Variants in GSK3B observed in about 807,000 individuals in gnomAD.
GSK3B encodes the protein glycogen synthase kinase 3 beta.
A neutral mutation model predicts 56.4 loss-of-function variants in GSK3B; 15 were observed. The ratio of observed to expected loss-of-function variants is 0.27; its 90% CI spans 0.18 to 0.41. The LOEUF (loss-of-function observed/expected upper bound fraction) is 0.41. GSK3B is among the 10% of genes least tolerant of loss of function. The probability of loss-of-function intolerance (pLI) is 1.00; values close to 1 mark genes in which losing one functional copy is unlikely to be tolerated. For missense variants in GSK3B, 300 were observed against 513.4 expected (o/e 0.58, Z 4.02); for synonymous variants, 181 against 188.9 (o/e 0.96, Z 0.34).
chr3:119,906,750 T>C (rs1189275409), intron 6 of GSK3B, among the ~76,000 whole-genome samples: 1 of 152,064 alleles, frequency 6.6e-6, no homozygotes, highest in African/African-American at 2.4e-5. Flanking sequence ...TCAAGTGCTT[T>C]AGGGAGACGA....
chr3:119,968,511 T>C lies in GSK3B; in HGVS notation c.283-21160A>G, dbSNP rs1327619143. Among the ~76,000 whole-genome samples, 4 of 152,228 alleles carry C rather than the reference T, an allele frequency of 2.6e-5. No homozygotes were observed. In the East Asian group the frequency reaches 7.7e-4, roughly 29 times the overall value. On this transcript the variant is annotated intron_variant, in intron 2 of 10. Coordinates refer to ENST00000264235, the MANE Select transcript of GSK3B (RefSeq NM_001146156.2). ...GACTGGTTTAACATTTGTCAATTAA[T>C]GTAATCCATCACATCAACAAGCTAA...
At chr3:119,962,108 G>A (rs2057277780) in intron 2 of GSK3B, among the ~76,000 whole-genome samples, 1 of 152,184 alleles carries the variant, frequency 6.6e-6, no homozygotes, top group Non-Finnish European at 1.5e-5. Context: ...GGGCATGGTG[G>A]CCCACCCCTG....
At chr3:119,969,472 T>G (rs2107513746) in intron 2 of GSK3B, among the ~76,000 whole-genome samples, 1 of 152,290 alleles carries the variant, frequency 6.6e-6, no homozygotes. Flanking sequence ...TCCCAGCAAG[T>G]TACATTGCAG....
chr3:120,010,793 C>G (rs1223477794), intron 1 of GSK3B, among the ~76,000 whole-genome samples: 14 of 151,688 alleles, frequency 9.2e-5, no homozygotes, highest in Admixed American at 9.2e-4. Context: ...AATGGCCAGG[C>G]ATGGTAGTTC....
intron 10 of GSK3B, among the ~76,000 whole-genome samples, chr3:119,840,170 T>C (rs940538415): frequency 6.6e-6 from 1 of 152,000 alleles, no homozygotes; most frequent in Admixed American, 6.6e-5. Flanking sequence ...AGAGGATGGA[T>C]GTCAATCCTG....
intron 2 of GSK3B, among the ~76,000 whole-genome samples, chr3:119,983,688 G>A (rs184649552): frequency 6.6e-6 from 1 of 152,080 alleles, no homozygotes; most frequent in Admixed American, 6.6e-5. Flanking sequence ...CCCAATACAG[G>A]AGCACCCAGA....
chr3:120,061,084 AC>A (rs911206570), intron 1 of GSK3B, among the ~76,000 whole-genome samples: 1 of 152,240 alleles, frequency 6.6e-6, no homozygotes, highest in African/African-American at 2.4e-5. Flanking sequence ...CAAAGGCTGT[AC>A]AAGGACATTT....
chr3:120,082,298 T>G (rs2058426054), intron 1 of GSK3B, among the ~76,000 whole-genome samples: 2 of 151,174 alleles, frequency 1.3e-5, no homozygotes, highest in African/African-American at 4.9e-5. Flanking sequence ...TGGACAAAAT[T>G]CTAAGCCTGC....
At position 119,823,459 on chromosome 3, in the gene GSK3B, G is replaced by A. The variant is rs906944222; in HGVS notation, c.*3329C>T. ...AAACCTGATACTATTAAGAAACTTC[G>A]ATTTATAAAAAAACAATTCTCTGTC... On this transcript the variant is annotated 3_prime_UTR_variant, in exon 11 of 11. Coordinates refer to ENST00000264235, the MANE Select transcript of GSK3B (RefSeq NM_001146156.2). 5.2e-6 allele frequency: 1 copy of A among 193,814 alleles called. No homozygotes were observed. The highest frequency in any genetic ancestry group is 2.3e-5 in the African/African-American group (1 of 43,138). The allele number at this position is 193,814 out of a possible 1,614,324, so 12.0% of individuals were successfully genotyped here. A position where few individuals can be genotyped will look rare whatever the true frequency, so the allele number is the denominator to read the frequency against.
At chr3:120,021,942 T>C (rs2057881658) in intron 1 of GSK3B, among the ~76,000 whole-genome samples, 2 of 152,180 alleles carry the variant, frequency 1.3e-5, no homozygotes, top group African/African-American at 4.8e-5. Flanking sequence ...GCTACTGTAG[T>C]CCCAGCTAAT....
intron 10 of GSK3B, among the ~76,000 whole-genome samples, chr3:119,835,763 G>C (rs1221947832): frequency 1.3e-5 from 2 of 151,992 alleles, no homozygotes; most frequent in African/African-American, 4.8e-5. Flanking sequence ...AGTTTACAAA[G>C]AGGAACAACA....
intron 8 of GSK3B, among the ~76,000 whole-genome samples, chr3:119,865,156 A>C (rs2056159982): frequency 6.6e-6 from 1 of 152,040 alleles, no homozygotes; most frequent in African/African-American, 2.4e-5. Flanking sequence ...TTTTCGTAAA[A>C]ATATTAAACA....
chr3:120,002,347 T>A, intron 1 of GSK3B, 108 bp from the exon 2 acceptor site: 1 of 538,550 alleles, frequency 1.9e-6, no homozygotes, highest in Non-Finnish European at 2.9e-6. Context: ...TTATTTTATT[T>A]TTTTTTTTGA....
At chr3:119,970,794 CAAACAAACAAACA>C (rs1247451695) in intron 2 of GSK3B, among the ~76,000 whole-genome samples, 3 of 134,312 alleles carry the variant, frequency 2.2e-5, no homozygotes, top group African/African-American at 9.5e-5. Flanking sequence ...TTCAAAAAAA[CAAACAAACAAACA>C]AAAAAAACAA....
intron 1 of GSK3B, among the ~76,000 whole-genome samples, chr3:120,046,106 G>A (rs2058100291): frequency 6.6e-6 from 1 of 152,048 alleles, no homozygotes; most frequent in South Asian, 2.1e-4. Flanking sequence ...GATGGGAGGA[G>A]GGGGATGAGA....
At chr3:119,856,607 G>A (rs151113349) in intron 9 of GSK3B, among the ~76,000 whole-genome samples, 136 of 152,114 alleles carry the variant, frequency 8.9e-4, no homozygotes, top group African/African-American at 2.8e-3. Context: ...CCCCCTTTTA[G>A]TCCACTCATA....
intron 9 of GSK3B, among the ~76,000 whole-genome samples, chr3:119,850,326 A>G (rs530977389): frequency 6.6e-6 from 1 of 152,308 alleles, no homozygotes; most frequent in South Asian, 2.1e-4. Context: ...TACTACTTCT[A>G]CATCCTTCCA....
intron 9 of GSK3B, among the ~76,000 whole-genome samples, chr3:119,844,007 G>C (rs1436851717): frequency 6.6e-6 from 1 of 152,108 alleles, no homozygotes; most frequent in Non-Finnish European, 1.5e-5. Context: ...TTACAACTCA[G>C]GATTAAGAAA....
In GSK3B at chr3:119,826,181, T is replaced by C. The variant is rs779834006; in HGVS notation, c.*607A>G. 12 of 258,654 alleles carry C rather than the reference T, an allele frequency of 4.6e-5. No homozygotes were observed. Among genetic ancestry groups the C allele is most frequent in the Non-Finnish European group, 7.4e-5 (10 of 134,626 alleles). The allele number at this position is 258,654 out of a possible 1,614,324, so 16.0% of individuals were successfully genotyped here. A position where few individuals can be genotyped will look rare whatever the true frequency, so the allele number is the denominator to read the frequency against. ...TTCCCTGTAGAGTTCCAAACTTTAT[T>C]GACCTCCCTGGGTTACGAATGATAC... On this transcript the variant is annotated 3_prime_UTR_variant, in exon 11 of 11. Transcript: ENST00000264235.
Sources: gnomAD v4.1 joint callset for allele counts (sites outside exome capture counted in the v4.1 genomes callset) on GRCh38, gnomAD v4.1.1 for gene constraint, MANE v1.5 for transcripts, NCBI Gene and HGNC (gene_info 2026-07-23, HGNC 2026-07-21) for gene names.